Variants in LRRC32 observed in about 807,000 individuals in gnomAD.
The protein encoded by LRRC32 is transforming growth factor beta activator LRRC32.
LRRC32 carries 5 observed loss-of-function variants against 15.0 expected under a neutral mutation model. The ratio of observed to expected loss-of-function variants is 0.33; its 90% CI spans 0.17 to 0.70. LRRC32 has a LOEUF of 0.70. LRRC32 is among the 30% of genes least tolerant of loss of function. LRRC32 has a pLI of 0.66. For missense variants in LRRC32, 803 were observed against 854.2 expected, an observed-to-expected ratio of 0.94 and a Z score of 0.75; for synonymous variants, 391 against 403.9, an observed-to-expected ratio of 0.97 and a Z score of 0.38.
At chr11:76,669,426 C>CG (rs561905308) in intron 1 of LRRC32, among the ~76,000 whole-genome samples, 101 of 148,760 alleles carry the variant, frequency 6.8e-4, no homozygotes, top group African/African-American at 2.4e-3. Flanking sequence ...AGCAGGGGTA[C>CG]GGGGGGCAAT....
At position 76,657,885 on chromosome 11, in the gene LRRC32, C is replaced by T. The variant is rs1952440822; in HGVS notation, c.*1719G>A. 1 of 152,376 alleles carries T rather than the reference C, an allele frequency of 6.6e-6. No individual in the cohort carries two copies. Among genetic ancestry groups the T allele is most frequent in the Non-Finnish European group, 1.5e-5 (1 of 68,054 alleles). The allele number at this position is 152,376 out of a possible 1,614,324, so 9.4% of individuals were successfully genotyped here. A position where few individuals can be genotyped will look rare whatever the true frequency, so the allele number is the denominator to read the frequency against. On this transcript the variant is annotated 3_prime_UTR_variant, in exon 3 of 3. Transcript: ENST00000260061. The stretch of plus-strand genomic sequence containing the variant: ...ACTTTCTCGCACATTACTGAGCCCA[C>T]ATCATGAGCCAGACTGTGGGCCAAG...
chr11:76,665,090 T>C (rs1458953172), intron 2 of LRRC32, among the ~76,000 whole-genome samples: 1 of 152,218 alleles, frequency 6.6e-6, no homozygotes, highest in East Asian at 1.9e-4. Flanking sequence ...TGGATCTAGG[T>C]GTTCTCTTTG....
intron 1 of LRRC32, among the ~76,000 whole-genome samples, chr11:76,666,529 G>C (rs892810338): frequency 6.6e-6 from 1 of 152,194 alleles, no homozygotes; most frequent in Admixed American, 6.5e-5. Flanking sequence ...GGCTGGGCCC[G>C]GGCCTTGGCA....
chr11:76,661,907 CAGGG>C (rs1952542199), intron 2 of LRRC32, among the ~76,000 whole-genome samples: 2 of 152,164 alleles, frequency 1.3e-5, no homozygotes. Context: ...AGCTGGGACC[CAGGG>C]CTCCTGATTC....
rs1952477316 is a variant in LRRC32, at chr11:76,659,742, G to A, written c.1851C>T (p.Asp617=). 1.9e-6 allele frequency: 3 copies of A among 1,614,218 alleles called. No homozygotes were observed. The highest frequency in any genetic ancestry group is 2.5e-6 in the Non-Finnish European group (3 of 1,180,044). Residue 617 remains aspartate, a synonymous_variant, in exon 3 of 3, where the codon GAC becomes GAT. Transcript: ENST00000260061. The part of the protein sequence containing the change: ...EVSLSHVRPE[D]CEKGGLKNIN... ...TGTTCTTCAGTCCCCCCTTCTCACA[G>A]TCCTCGGGACGCACGTGGCTCAGGG...
At chr11:76,668,968 T>A (rs1387602039) in intron 1 of LRRC32, among the ~76,000 whole-genome samples, 1 of 152,152 alleles carries the variant, frequency 6.6e-6, no homozygotes, top group Non-Finnish European at 1.5e-5. Flanking sequence ...ATTTAAAGAC[T>A]ACTCTCTCTC....
At position 76,660,225 on chromosome 11, in the gene LRRC32, C is replaced by T. The variant is rs867867717; in HGVS notation, c.1368G>A (p.Glu456=). 6 of 1,575,846 alleles carry T rather than the reference C, an allele frequency of 3.8e-6. No individual in the cohort carries two copies. Among genetic ancestry groups the T allele is most frequent in the Middle Eastern group, 1.7e-4 (1 of 5,840 alleles). Residue 456 remains glutamate, a synonymous_variant, in exon 3 of 3, where the codon GAG becomes GAA. Transcript: ENST00000260061. ...GGAGGAAGGCCCCTGCCCTGAGCAG[C>T]TCTATCTCATTATCCACCAGGCTCA... The part of the protein sequence containing the change: ...RSLSLVDNEI[E]LLRAGAFLHT...
chr11:76,660,140 C>A lies in LRRC32; in HGVS notation c.1453G>T (p.Ala485Ser). Residue 485 changes from alanine to serine, a missense_variant, in exon 3 of 3, where the codon GCC (alanine) becomes TCC (serine). By Grantham distance (99) the Ala-to-Ser change is moderately conservative (BLOSUM62 1). Coordinates refer to ENST00000260061, the MANE Select transcript of LRRC32 (RefSeq NM_001128922.2). ...SNPGLEVATG[A>S]LGGLEASLEV... ...AAGGAGGCCTCCAGGCCTCCCAAGG[C>A]CCCCGTGGCCACCTCCAGCCCAGGA... 2.5e-6 allele frequency: 4 copies of A among 1,606,028 alleles called. No individual in the cohort carries two copies. The highest frequency in any genetic ancestry group is 3.4e-6 in the Non-Finnish European group (4 of 1,176,494).
At chr11:76,667,785 C>T (rs1425756559) in intron 1 of LRRC32, among the ~76,000 whole-genome samples, 5 of 152,270 alleles carry the variant, frequency 3.3e-5, no homozygotes, top group Admixed American at 6.5e-5. Context: ...CCTGCTTCCC[C>T]GGTGTCCCCT....
rs1441216832 is a variant in LRRC32, at chr11:76,659,094, C to T, written c.*510G>A. The T allele has an allele frequency of 1.9e-5, 3 of 157,896 alleles. No homozygotes were observed. The highest frequency in any genetic ancestry group is 4.2e-5 in the Non-Finnish European group (3 of 71,300). 9.8% of individuals were successfully genotyped at this position (157,896 alleles called of 1,614,324 possible). ...CTTGGAAATGTCTCAGACAAATCCT[C>T]CTGGGCTTGGCCCTCCCTCACCCTG... is the stretch of plus-strand genomic sequence containing the variant. On this transcript the variant is annotated 3_prime_UTR_variant, in exon 3 of 3. Coordinates refer to ENST00000260061, the MANE Select transcript of LRRC32 (RefSeq NM_001128922.2).
intron 1 of LRRC32, among the ~76,000 whole-genome samples, chr11:76,669,382 TGTGTGAGAGA>T (rs1374062841): frequency 6.8e-6 from 1 of 146,176 alleles, no homozygotes. Flanking sequence ...TGTGTGTGTG[TGTGTGAGAGA>T]GAGAGAGAGA....
rs867566 is a variant in LRRC32 at position 76,660,633 on chromosome 11, C to T, written c.960G>A (p.Leu320=). The change falls in exon 3 of 3, where the codon CTG becomes CTA. Residue 320 remains leucine (L), a synonymous_variant. Transcript: ENST00000260061. ...GCTCAATCTCATTGTAGCTCAAATC[C>T]AGATTCAAGAGCTGGGAAAGGGGGC... ...SGRPLSQLLN[L]DLSYNEIELI... 1.1e-3 allele frequency: 1,793 copies of T among 1,614,112 alleles called. 2 individuals are homozygous for T. The highest frequency in any genetic ancestry group is 2.3e-3 in the Middle Eastern group (14 of 6,052).
At position 76,660,796 on chromosome 11, in the gene LRRC32, C is replaced by T. The variant is rs747922309; in HGVS notation, c.797G>A (p.Arg266Lys). Reference sequence around the variant, plus strand: ...GTTGGACAAGTTCAGGTAGATGAGTCTCGGGAGCGCGGCCAGGTCGGGGAA... The same window carrying T: ...GTTGGACAAGTTCAGGTAGATGAGTTTCGGGAGCGCGGCCAGGTCGGGGAA... ...LHFPDLAALP[R>K]LIYLNLSNNL... Residue 266 changes from arginine (R) to lysine (K), a missense_variant, in exon 3 of 3, where the codon AGA becomes AAA. By Grantham distance (26) the Arg-to-Lys change is conservative. Transcript: ENST00000260061. 6.2e-7 allele frequency: 1 copy of T among 1,614,140 alleles called. No homozygotes were observed. Among genetic ancestry groups the T allele is most frequent in the South Asian group, 1.1e-5 (1 of 91,074 alleles).
chr11:76,666,114 G>C, intron 1 of LRRC32, 156 bp from the exon 2 acceptor site: 1 of 649,344 alleles, frequency 1.5e-6, no homozygotes, highest in South Asian at 1.9e-5. Context: ...AGAGAGCCAG[G>C]TGGGAAATGG....
Position 76,658,550 on chromosome 11 carries a change from G to GGCCGGGCGCGGTGGCTC in LRRC32, c.*1053_*1054insGAGCCACCGCGCCCGGC, listed in dbSNP as rs1952452275. 1 of 152,314 alleles carries GGCCGGGCGCGGTGGCTC rather than the reference G, an allele frequency of 6.6e-6. No individual in the cohort carries two copies. Among genetic ancestry groups the GGCCGGGCGCGGTGGCTC allele is most frequent in the African/African-American group, 2.4e-5 (1 of 41,458 alleles). The allele number at this position is 152,314 out of a possible 1,614,324, so 9.4% of individuals were successfully genotyped here. Reference sequence around the variant, plus strand: ...CTGCAGTGGTAAAGATCAGGCCCTGGAGACAGAAGGATGAAGGTTTGAATC... The same window carrying GGCCGGGCGCGGTGGCTC: ...CTGCAGTGGTAAAGATCAGGCCCTGGGCCGGGCGCGGTGGCTCAGACAGAAGGATGAAGGTTTGAATC... On this transcript the variant is annotated 3_prime_UTR_variant, in exon 3 of 3. Coordinates refer to ENST00000260061, the MANE Select transcript of LRRC32 (RefSeq NM_001128922.2).
At chr11:76,664,343 A>T (rs1203328773) in intron 2 of LRRC32, among the ~76,000 whole-genome samples, 1 of 152,208 alleles carries the variant, frequency 6.6e-6, no homozygotes, top group Non-Finnish European at 1.5e-5. Flanking sequence ...TCAGAGCTCC[A>T]CTTCCAGGGT....
intron 1 of LRRC32, among the ~76,000 whole-genome samples, chr11:76,667,952 C>A (rs2120108806): frequency 6.6e-6 from 1 of 152,364 alleles, no homozygotes; most frequent in Middle Eastern, 3.4e-3. Context: ...TTCTTTGGTT[C>A]CCCAAGTCTG....
At chr11:76,665,416 G>A (rs1310405976) in intron 2 of LRRC32, among the ~76,000 whole-genome samples, 2 of 152,092 alleles carry the variant, frequency 1.3e-5, no homozygotes, top group South Asian at 4.1e-4. Context: ...GCACTCCAGC[G>A]GGCAGTCCCA....
At chr11:76,667,162 T>C (rs1421258710) in intron 1 of LRRC32, among the ~76,000 whole-genome samples, 1 of 152,256 alleles carries the variant, frequency 6.6e-6, no homozygotes, top group Admixed American at 6.5e-5. Context: ...TCCTCAGCAC[T>C]TTCTAGGCAT....
Sources: allele counts gnomAD v4.1 joint callset (sites outside exome capture counted in the v4.1 genomes callset), GRCh38; gene constraint gnomAD v4.1.1; transcripts MANE v1.5; gene names NCBI Gene and HGNC (gene_info 2026-07-23, HGNC 2026-07-21).